The following WWOX variants were observed in gnomAD, a reference collection of about 807,000 sequenced individuals.
The protein encoded by WWOX is WW domain containing oxidoreductase.
A neutral mutation model predicts 46.2 loss-of-function variants in WWOX; 69 were observed. That is an observed-to-expected ratio of 1.49 (90% CI 1.23 to 1.82). WWOX has a LOEUF of 1.82. Ranked by LOEUF, WWOX falls within the 40% of genes most tolerant of loss-of-function variation. The pLI, the probability that WWOX is intolerant of heterozygous loss-of-function variation, is 0.00. For missense variants in WWOX, 919 were observed against 542.6 expected, an observed-to-expected ratio of 1.69 and a Z score of -6.89; for synonymous variants, 359 against 202.6, an observed-to-expected ratio of 1.77 and a Z score of -6.56.
At chr16:78,608,705 G>C (rs34734576) in intron 8 of WWOX, among the ~76,000 whole-genome samples, 3 of 152,138 alleles carry the variant, frequency 2.0e-5, no homozygotes, top group Non-Finnish European at 4.4e-5. Context: ...CTGACATGAC[G>C]GGACCTTTAC....
chr16:79,034,526 C>G (rs185956061), intron 8 of WWOX, among the ~76,000 whole-genome samples: 2 of 152,262 alleles, frequency 1.3e-5, no homozygotes, highest in East Asian at 1.9e-4. Context: ...GCCCCCTCAC[C>G]GAATGATCAG....
At chr16:79,057,766 A>G (rs998188410) in intron 8 of WWOX, among the ~76,000 whole-genome samples, 3 of 152,126 alleles carry the variant, frequency 2.0e-5, no homozygotes, top group African/African-American at 7.2e-5. Flanking sequence ...AGAATTTAGA[A>G]AGACCCGGAC....
chr16:78,433,187 A>T (rs8045449), intron 8 of WWOX, among the ~76,000 whole-genome samples: 35,680 of 151,720 alleles, frequency 0.24, 5,785 homozygotes, highest in African/African-American at 0.45. Flanking sequence ...TCACAGAAAA[A>T]CTGTATCTTT....
chr16:78,340,920 T>G (rs13330980), intron 5 of WWOX, among the ~76,000 whole-genome samples: 26,757 of 118,036 alleles, frequency 0.23, 8,512 homozygotes, highest in African/African-American at 0.38. Flanking sequence ...TCTGGAGTTA[T>G]GAAATGATGG....
chr16:79,153,761 GT>G (rs952094040), intron 8 of WWOX, among the ~76,000 whole-genome samples: 1 of 151,952 alleles, frequency 6.6e-6, no homozygotes, highest in African/African-American at 2.4e-5. Context: ...TTTGGGGGGG[GT>G]TTTTTGTTGT....
At chr16:79,076,502 G>A (rs1567533468) in intron 8 of WWOX, among the ~76,000 whole-genome samples, 1 of 152,142 alleles carries the variant, frequency 6.6e-6, no homozygotes, top group Non-Finnish European at 1.5e-5. Flanking sequence ...CTTGTCCGGT[G>A]CATCCTCCGT....
chr16:78,264,391 C>T (rs1251238562), intron 5 of WWOX: 1 of 152,114 alleles, frequency 6.6e-6, no homozygotes, highest in Non-Finnish European at 1.5e-5. Context: ...CACCGCCAGC[C>T]CTGCTTAAAT....
At chr16:79,134,577 A>G (rs1314969848) in intron 8 of WWOX, among the ~76,000 whole-genome samples, 1 of 152,150 alleles carries the variant, frequency 6.6e-6, no homozygotes, top group African/African-American at 2.4e-5. Context: ...TTAGAACTCC[A>G]CAGTAGATTT....
chr16:78,122,248 G>A (rs140330644), intron 4 of WWOX, among the ~76,000 whole-genome samples: 1 of 152,160 alleles, frequency 6.6e-6, no homozygotes, highest in Non-Finnish European at 1.5e-5. Flanking sequence ...GAGGATAAGG[G>A]GGGGCTACTG....
intron 8 of WWOX, among the ~76,000 whole-genome samples, chr16:78,801,043 T>C (rs1398445189): frequency 1.3e-5 from 2 of 151,968 alleles, no homozygotes; most frequent in African/African-American, 2.4e-5. Context: ...TTTGTTGTCA[T>C]TCTCTCTCTA....
chr16:78,385,937 A>T (rs537652121), intron 5 of WWOX, among the ~76,000 whole-genome samples: 17 of 152,198 alleles, frequency 1.1e-4, no homozygotes, highest in Non-Finnish European at 1.9e-4. Flanking sequence ...AGTGGCCCAT[A>T]CACAGAAGGC....
intron 8 of WWOX, among the ~76,000 whole-genome samples, chr16:79,178,288 T>A (rs1224026754): frequency 2.0e-5 from 3 of 152,238 alleles, no homozygotes; most frequent in African/African-American, 7.2e-5. Flanking sequence ...ACCCATGGGC[T>A]GCAGTTTGCT....
chr16:78,454,824 T>C (rs1314470830), intron 8 of WWOX, among the ~76,000 whole-genome samples: 2 of 152,158 alleles, frequency 1.3e-5, no homozygotes, highest in South Asian at 4.1e-4. Flanking sequence ...TTTGTGTATG[T>C]GCCAATGATG....
chr16:79,001,828 A>C (rs1597259659), intron 8 of WWOX, among the ~76,000 whole-genome samples: 1 of 152,160 alleles, frequency 6.6e-6, no homozygotes, highest in Non-Finnish European at 1.5e-5. Context: ...AGAGGTGCTT[A>C]TGTAATAACT....
chr16:78,314,710 T>TTTTG (rs1567494558), intron 5 of WWOX, among the ~76,000 whole-genome samples: 28 of 104,764 alleles, frequency 2.7e-4, no homozygotes, highest in African/African-American at 9.8e-4. Flanking sequence ...TGTTTTTTTT[T>TTTTG]TTTTTTTTTT....
chr16:79,165,468 C>A (rs752405435), intron 8 of WWOX, among the ~76,000 whole-genome samples: 11 of 152,152 alleles, frequency 7.2e-5, no homozygotes, highest in Non-Finnish European at 1.0e-4. Context: ...TAAAAAAATA[C>A]GAAAAATAGA....
In WWOX at chr16:78,111,621, G is replaced by A. The variant is rs535183430; in HGVS notation, c.230+1786G>A. ...GAACACTCTGCTCCACCAGCTTCTTGTGGAAGGCTGGGTATTATCCAGGCC... is the reference window on the plus strand; with the variant it reads ...GAACACTCTGCTCCACCAGCTTCTTATGGAAGGCTGGGTATTATCCAGGCC... On this transcript the variant is annotated intron_variant, in intron 3 of 8. Coordinates refer to ENST00000566780, the MANE Select transcript of WWOX (RefSeq NM_016373.4). Among the ~76,000 whole-genome samples, 96 of 152,136 alleles carry A rather than the reference G, an allele frequency of 6.3e-4. 1 individual carries two copies. The highest frequency in any genetic ancestry group is 2.2e-3 in the Admixed American group (33 of 15,282).
chr16:78,249,988 AAC>A (rs973133746), intron 5 of WWOX, among the ~76,000 whole-genome samples: 9 of 152,196 alleles, frequency 5.9e-5, no homozygotes, highest in Non-Finnish European at 1.2e-4. Flanking sequence ...TGAGCGGCTG[AAC>A]ACACAGTGAT....
intron 8 of WWOX, among the ~76,000 whole-genome samples, chr16:78,987,189 C>A (rs2046799977): frequency 6.6e-6 from 1 of 152,124 alleles, no homozygotes; most frequent in South Asian, 2.1e-4. Context: ...TTAATGTCTC[C>A]CTGCATCACA....
Sources: gnomAD v4.1 joint callset for allele counts (sites outside exome capture counted in the v4.1 genomes callset) on GRCh38, gnomAD v4.1.1 for gene constraint, MANE v1.5 for transcripts, NCBI Gene and HGNC (gene_info 2026-07-23, HGNC 2026-07-21) for gene names.